The following PIEZO2 variants were observed in gnomAD, a reference collection of about 807,000 sequenced individuals.
PIEZO2 encodes the protein piezo-type mechanosensitive ion channel component 2.
PIEZO2 carries 172 observed loss-of-function variants against 337.3 expected under a neutral mutation model. The observed-to-expected ratio is 0.51, with a 90% confidence interval of 0.45 to 0.58. The LOEUF (loss-of-function observed/expected upper bound fraction) is 0.58, where lower values mean the gene tolerates loss of function less well. PIEZO2 is among the 20% of genes least tolerant of loss of function. The pLI is 0.00. For synonymous variants in PIEZO2, 1,251 were observed against 1,228.5 expected, an observed-to-expected ratio of 1.02 and a Z score of -0.38; for missense variants, 3,028 against 3,391.3, an observed-to-expected ratio of 0.89 and a Z score of 2.66.
At position 10,795,028 on chromosome 18, in the gene PIEZO2, G is replaced by A. The variant is rs1363746224; in HGVS notation, c.1528-26C>T. 6.5e-6 allele frequency: 10 copies of A among 1,528,530 alleles called. No homozygotes were observed. The highest frequency in any genetic ancestry group is 4.1e-5 in the African/African-American group (3 of 72,642). 94.7% of individuals were successfully genotyped at this position (1,528,530 alleles called of 1,614,324 possible). A position where few individuals can be genotyped will look rare whatever the true frequency, so the allele number is the denominator to read the frequency against. On this transcript the variant is annotated intron_variant, in intron 12 of 55. Coordinates refer to ENST00000674853, the MANE Select transcript of PIEZO2 (RefSeq NM_001378183.1). This position sits in a 1 kb window ranked among gnomAD's most constrained non-coding sequence, Gnocchi z 4.4. The stretch of plus-strand genomic sequence containing the variant: ...CTCCGGAGGACAGAAAAGGAAACAC[G>A]ACCATGGTCAATACAATGCTCAGTC...
rs544012767 is a variant in PIEZO2, at chr18:11,084,008, T to G, written c.65-17786A>C. Among the ~76,000 whole-genome samples, 366 of 151,794 alleles carry G rather than the reference T, an allele frequency of 2.4e-3. 2 individuals carry two copies. Among genetic ancestry groups the G allele is most frequent in the African/African-American group, 8.6e-3 (355 of 41,430 alleles). On this transcript the variant is annotated intron_variant, in intron 1 of 55. Coordinates refer to ENST00000674853, the MANE Select transcript of PIEZO2 (RefSeq NM_001378183.1). ...CCTGGCCAATATGGCAAAACCCTGTTTCTACTAAAAATACAAAAATTAGCC... is the reference window on the plus strand; with the variant it reads ...CCTGGCCAATATGGCAAAACCCTGTGTCTACTAAAAATACAAAAATTAGCC...
intron 7 of PIEZO2, among the ~76,000 whole-genome samples, chr18:10,825,160 G>T (rs569333790): frequency 6.6e-6 from 1 of 152,174 alleles, no homozygotes; most frequent in African/African-American, 2.4e-5. Flanking sequence ...CATCATGCCC[G>T]GCCACCTAAT....
In PIEZO2 at chr18:10,673,244, C is replaced by A. The variant is rs551202352; in HGVS notation, c.8162-371G>T. On this transcript the variant is annotated intron_variant, in intron 54 of 55. Transcript: ENST00000674853. This position sits in a 1 kb window ranked among gnomAD's most constrained non-coding sequence, Gnocchi z 4.8. ...TCAACCAGTCCATTCATATTACCAG[C>A]ATTTGTTGCATGTCTCATAGGAGGA... 2.6e-5 allele frequency among the ~76,000 whole-genome samples: 4 copies of A among 152,314 alleles called. No homozygotes were observed. The East Asian group carries it at 5.8e-4, about 22-fold the overall frequency.
At chr18:10,908,493 C>T (rs1184571382) in intron 4 of PIEZO2, 3 of 152,122 alleles carry the variant, frequency 2.0e-5, no homozygotes, top group African/African-American at 7.2e-5. Context: ...AGAGAAAGAA[C>T]AGGTTAAACT....
At chr18:10,712,167 G>A (rs1567974761) in intron 39 of PIEZO2, among the ~76,000 whole-genome samples, 1 of 152,158 alleles carries the variant, frequency 6.6e-6, no homozygotes, top group Non-Finnish European at 1.5e-5. Context: ...CTGTAACTAG[G>A]AAGCAGCACC....
rs1305407002 is a variant in PIEZO2 at position 11,083,502 on chromosome 18, G to T, written c.65-17280C>A. Reference sequence around the variant, plus strand: ...TGGGGAAATGGAGGGGAACTAGAGAGAGGAGAAGCCTGTACACAAAGGGGG... The same window carrying T: ...TGGGGAAATGGAGGGGAACTAGAGATAGGAGAAGCCTGTACACAAAGGGGG... On this transcript the variant is annotated intron_variant, in intron 1 of 55. Coordinates refer to ENST00000674853, the MANE Select transcript of PIEZO2 (RefSeq NM_001378183.1). The surrounding 1 kb of genome is among the most constrained non-coding windows in gnomAD (Gnocchi z 4.4). Among the ~76,000 whole-genome samples, 3 of 152,208 alleles carry T rather than the reference G, an allele frequency of 2.0e-5. No individual in the cohort carries two copies. The highest frequency in any genetic ancestry group is 4.4e-5 in the Non-Finnish European group (3 of 68,038).
intron 2 of PIEZO2, among the ~76,000 whole-genome samples, chr18:10,991,607 A>G (rs897138793): frequency 2.0e-5 from 3 of 151,894 alleles, no homozygotes; most frequent in African/African-American, 7.3e-5. Context: ...ATATGTCCAC[A>G]TTTTCTTTAT....
At chr18:10,725,074 G>C in intron 36 of PIEZO2, 1 of 1,530,130 alleles carries the variant, frequency 6.5e-7, no homozygotes, top group East Asian at 2.3e-5. Flanking sequence ...CCGTGAGGGA[G>C]ACAAGTTCTT....
rs1182768800 is a variant in PIEZO2 at position 10,762,603 on chromosome 18, ATGTT to A, written c.3142_3145del (p.Asn1048SerfsTer6). 15 of 1,537,062 alleles carry A rather than the reference ATGTT, an allele frequency of 9.8e-6. No individual in the cohort carries two copies. Among genetic ancestry groups the A allele is most frequent in the African/African-American group, 2.7e-5 (2 of 73,000 alleles). ...AGACTTGTTCAACTCATTAAAGGGGATGTTTGTTTGATTTTCATTTGGCTAAAAA... is the reference window on the plus strand; with the variant it reads ...AGACTTGTTCAACTCATTAAAGGGGATGTTTGATTTTCATTTGGCTAAAAA... On this transcript the variant is annotated frameshift_variant, in exon 23 of 56. Transcript: ENST00000674853. LOFTEE classifies it high-confidence loss of function.
At chr18:10,907,091 A>T (rs2030007853) in intron 4 of PIEZO2, among the ~76,000 whole-genome samples, 2 of 152,202 alleles carry the variant, frequency 1.3e-5, no homozygotes, top group Non-Finnish European at 2.9e-5. Flanking sequence ...GAAAGAACTG[A>T]AGAATTTAGA....
At chr18:10,693,584 T>C (rs1007870851) in intron 47 of PIEZO2, among the ~76,000 whole-genome samples, 1 of 151,700 alleles carries the variant, frequency 6.6e-6, no homozygotes, top group African/African-American at 2.4e-5. Context: ...GCTGGTCTGG[T>C]ATCTAACTCC....
rs368910137 is a variant in PIEZO2, at chr18:10,765,492, C to T, written c.2947-2394G>A. ...GAAGTCTCTCATGATCATATCTGCC[C>T]TGTGGGAAGACTATTCTGGCCGCAT... On this transcript the variant is annotated intron_variant, in intron 21 of 55. Coordinates refer to ENST00000674853, the MANE Select transcript of PIEZO2 (RefSeq NM_001378183.1). Among the ~76,000 whole-genome samples, 3 of 152,096 alleles carry T rather than the reference C, an allele frequency of 2.0e-5. No individual in the cohort carries two copies. In the East Asian group the frequency reaches 5.8e-4, roughly 29 times the overall value.
intron 8 of PIEZO2, among the ~76,000 whole-genome samples, chr18:10,805,994 C>G (rs911466491): frequency 3.9e-5 from 6 of 152,260 alleles, no homozygotes; most frequent in African/African-American, 1.4e-4. Context: ...ATGTACAGCT[C>G]TCTAAGTGGG....
At chr18:11,122,660 A>T (rs1382775677) in intron 1 of PIEZO2, among the ~76,000 whole-genome samples, 1 of 152,196 alleles carries the variant, frequency 6.6e-6, no homozygotes, top group Non-Finnish European at 1.5e-5. Context: ...GGTGAAACTC[A>T]TTAGTAACAT....
rs1219092166 is a variant in PIEZO2 at position 10,784,308 on chromosome 18, T to C, written c.2492+476A>G. Among the ~76,000 whole-genome samples the C allele has an allele frequency of 5.9e-5, 9 of 152,266 alleles. No individual in the cohort carries two copies. Among genetic ancestry groups the C allele is most frequent in the Admixed American group, 1.3e-4 (2 of 15,286 alleles). On this transcript the variant is annotated intron_variant, in intron 17 of 55. Transcript: ENST00000674853. The surrounding 1 kb of genome is among the most constrained non-coding windows in gnomAD (Gnocchi z 4.5). ...TCCTCTTAAATATGATTGTAGTTACTAGTCAATTGCAGATTCTGTTTTTTC... is the reference window on the plus strand; with the variant it reads ...TCCTCTTAAATATGATTGTAGTTACCAGTCAATTGCAGATTCTGTTTTTTC...
intron 43 of PIEZO2, among the ~76,000 whole-genome samples, chr18:10,701,458 C>T (rs1487170250): frequency 5.3e-5 from 8 of 152,210 alleles, no homozygotes; most frequent in South Asian, 2.1e-4. Flanking sequence ...CTGGGTTTTA[C>T]TGGGCAACTT....
rs1267459789 is a variant in PIEZO2 at position 10,705,622 on chromosome 18, A to G, written c.5713T>C (p.Tyr1905His). 6.5e-7 allele frequency: 1 copy of G among 1,534,820 alleles called. No individual in the cohort carries two copies. Among genetic ancestry groups the G allele is most frequent in the Admixed American group, 2.0e-5 (1 of 50,712 alleles). The change falls in exon 41 of 56, where the codon TAC (tyrosine) becomes CAC (histidine). Residue 1905 changes from tyrosine (Y) to histidine (H), a missense_variant. Transcript: ENST00000674853. ...TAPEPREAKEYEATGYDVGAM... is the reference protein window; with the variant it reads ...TAPEPREAKEHEATGYDVGAM... Reference sequence around the variant, plus strand: ...CCCACATCGTACCCAGTGGCCTCGTACTCCTTGGCCTCCCTGGGCTCAGGC... The same window carrying G: ...CCCACATCGTACCCAGTGGCCTCGTGCTCCTTGGCCTCCCTGGGCTCAGGC...
intron 3 of PIEZO2, among the ~76,000 whole-genome samples, chr18:10,959,556 T>C (rs924366317): frequency 2.0e-5 from 3 of 151,752 alleles, no homozygotes; most frequent in African/African-American, 7.3e-5. Flanking sequence ...TTGTGTAGAC[T>C]CTGCATCTCA....
At chr18:10,704,744 G>T in intron 41 of PIEZO2, 92 bp from the exon 42 acceptor site, 1 of 1,419,546 alleles carries the variant, frequency 7.0e-7, no homozygotes, top group South Asian at 1.4e-5. Context: ...GAGTGCAATG[G>T]CGTGATCTTG....
Sources: allele counts gnomAD v4.1 joint callset (sites outside exome capture counted in the v4.1 genomes callset), GRCh38; gene constraint gnomAD v4.1.1; non-coding constraint Gnocchi (gnomAD v3.1); transcripts MANE v1.5; gene names NCBI Gene and HGNC (gene_info 2026-07-23, HGNC 2026-07-21).